The following DNAH6 variants were observed in gnomAD, a reference collection of about 807,000 sequenced individuals.
The protein encoded by DNAH6 is axonemal beta dynein heavy chain 6.
A neutral mutation model predicts 491.4 loss-of-function variants in DNAH6; 340 were observed. The observed-to-expected ratio is 0.69, with a 90% confidence interval of 0.63 to 0.76. The LOEUF is 0.76. Ranked by LOEUF, DNAH6 falls within the 30% of genes least tolerant of loss-of-function variation. The pLI is 0.00. For synonymous variants in DNAH6, 1,603 were observed against 1,686.1 expected (o/e 0.95, Z 1.21); for missense variants, 4,443 against 4,972.2 (o/e 0.89, Z 3.20).
Position 84,815,997 on chromosome 2 carries a change from C to T in DNAH6, c.12287C>T (p.Pro4096Leu), listed in dbSNP as rs749232123. ...GTGCTGCCTGTGGTGCATTTTGAAC[C>T]ACAACAAAACTATAAGCCAAGCCCA... Reference protein sequence around the residue: ...NPVLPVVHFEPQQNYKPSPTL... With the variant: ...NPVLPVVHFELQQNYKPSPTL... Residue 4096 changes from proline (P) to leucine (L), a missense_variant, in exon 76 of 77, where the codon CCA becomes CTA. This residue lies in a region of DNAH6 where 1,463 missense variants were observed against 1,656.6 expected (regional missense o/e 0.88). Transcript: ENST00000389394. 6.4e-7 allele frequency: 1 copy of T among 1,551,822 alleles called. No individual in the cohort carries two copies. Among genetic ancestry groups the T allele is most frequent in the South Asian group, 1.2e-5 (1 of 84,050 alleles).
At chr2:84,737,486 T>C (rs1699615053) in intron 62 of DNAH6, among the ~76,000 whole-genome samples, 1 of 152,062 alleles carries the variant, frequency 6.6e-6, no homozygotes, top group African/African-American at 2.4e-5. Flanking sequence ...TAGGTTTTTA[T>C]TCCTGATTGA....
chr2:84,520,948 G>A (rs540370595), intron 2 of DNAH6, among the ~76,000 whole-genome samples: 4 of 152,054 alleles, frequency 2.6e-5, no homozygotes, highest in South Asian at 2.1e-4. Context: ...TTACTGGCTC[G>A]AATGGGAGTT....
the DNAH6 span, among the ~76,000 whole-genome samples, chr2:84,477,090 G>GAC: frequency 0.078 from 11,930 of 152,198 alleles, 1,083 homozygotes; most frequent in African/African-American, 0.22. Flanking sequence ...TTGAGAAAAA[G>GAC]AGTTTGAGAG....
At chr2:84,520,548 G>T (rs773607974) in intron 2 of DNAH6, among the ~76,000 whole-genome samples, 68 of 152,064 alleles carry the variant, frequency 4.5e-4, no homozygotes, top group Non-Finnish European at 9.1e-4. Flanking sequence ...CACAATAGTT[G>T]TTTTTTTCTG....
chr2:84,803,311 G>A (rs572683026), intron 70 of DNAH6, among the ~76,000 whole-genome samples: 1 of 152,284 alleles, frequency 6.6e-6, no homozygotes, highest in African/African-American at 2.4e-5. Flanking sequence ...GGGGGAAAAG[G>A]AAGGAAGAAA....
intron 62 of DNAH6, among the ~76,000 whole-genome samples, chr2:84,740,793 C>T (rs1418879455): frequency 6.6e-6 from 1 of 152,176 alleles, no homozygotes; most frequent in Admixed American, 6.5e-5. Flanking sequence ...TGGGAAAAAC[C>T]TCAGCTTCAG....
chr2:84,575,122 C>G (rs1682293942), intron 12 of DNAH6, among the ~76,000 whole-genome samples: 1 of 152,162 alleles, frequency 6.6e-6, no homozygotes, highest in Non-Finnish European at 1.5e-5. Context: ...ACCACTAAAT[C>G]CAGTTGTTTG....
At chr2:84,748,391 A>G (rs980638978) in intron 63 of DNAH6, among the ~76,000 whole-genome samples, 5 of 152,354 alleles carry the variant, frequency 3.3e-5, no homozygotes, top group Admixed American at 1.3e-4. Flanking sequence ...AAATTAGATT[A>G]TGAAAAATTT....
intron 10 of DNAH6, 27 bp downstream of exon 10, chr2:84,553,061 A>G: frequency 1.5e-6 from 2 of 1,350,654 alleles, no homozygotes; most frequent in Non-Finnish European, 1.0e-6. Context: ...TATTATCCAC[A>G]TGCAAGCACC....
At chr2:84,803,076 G>A (rs970120073) in intron 70 of DNAH6, among the ~76,000 whole-genome samples, 2 of 152,182 alleles carry the variant, frequency 1.3e-5, no homozygotes, top group African/African-American at 2.4e-5. Context: ...TAAGGGGAAA[G>A]TGTATAAAGC....
intron 41 of DNAH6, among the ~76,000 whole-genome samples, chr2:84,680,127 G>A (rs1173611867): frequency 6.6e-6 from 1 of 152,086 alleles, no homozygotes; most frequent in Non-Finnish European, 1.5e-5. Flanking sequence ...TACCTAAAGA[G>A]GTCATCCTCA....
At chr2:84,814,593 AG>A (rs1457679293) in intron 75 of DNAH6, among the ~76,000 whole-genome samples, 1 of 152,178 alleles carries the variant, frequency 6.6e-6, no homozygotes, top group Non-Finnish European at 1.5e-5. Flanking sequence ...AGGAAGGTAA[AG>A]CAACACCCAC....
intron 62 of DNAH6, among the ~76,000 whole-genome samples, chr2:84,740,465 G>A (rs1168626632): frequency 1.3e-5 from 2 of 152,212 alleles, no homozygotes; most frequent in Non-Finnish European, 2.9e-5. Context: ...CTGAGAAGAA[G>A]GGTGGCGGAG....
intron 21 of DNAH6, 28 bp downstream of exon 21, chr2:84,607,123 A>C: frequency 1.9e-6 from 3 of 1,542,514 alleles, no homozygotes; most frequent in Non-Finnish European, 2.6e-6. Context: ...TGATTCATAC[A>C]CTCAGAGAAT....
chr2:84,558,409 G>A (rs1173243857), intron 11 of DNAH6, among the ~76,000 whole-genome samples: 1 of 149,436 alleles, frequency 6.7e-6, no homozygotes, highest in African/African-American at 2.5e-5. Context: ...AGGTGACAGA[G>A]CGAGACTCCA....
chr2:84,621,966 A>G (rs1687439842), intron 26 of DNAH6, among the ~76,000 whole-genome samples: 2 of 152,232 alleles, frequency 1.3e-5, no homozygotes, highest in Non-Finnish European at 2.9e-5. Context: ...CTGTCAGGCA[A>G]TTAACAATAA....
the DNAH6 span, among the ~76,000 whole-genome samples, chr2:84,508,887 T>G: frequency 6.6e-6 from 1 of 152,164 alleles, no homozygotes; most frequent in Non-Finnish European, 1.5e-5. Flanking sequence ...TTTGAGTGGG[T>G]TTCTTAATCC....
At position 84,703,460 on chromosome 2, in the gene DNAH6, GA is replaced by G; in HGVS notation, c.8130del (p.Lys2710AsnfsTer2). On this transcript the variant is annotated frameshift_variant, in exon 50 of 77. Coordinates refer to ENST00000389394, the MANE Select transcript of DNAH6 (RefSeq NM_001370.2). LOFTEE classifies it high-confidence loss of function. ...AAACAAACATACTAGTAGATAAAAT[GA>G]AACTAGATCTTTCAGCTTTAGAGCC... is the stretch of plus-strand genomic sequence containing the variant. ...LETNILVDKM[K>X]LDLSALEPVL... 1 of 1,550,046 alleles carries G rather than the reference GA, an allele frequency of 6.5e-7. No individual in the cohort carries two copies. The highest frequency in any genetic ancestry group is 8.7e-7 in the Non-Finnish European group (1 of 1,146,086).
At chr2:84,637,090 G>A in intron 30 of DNAH6, 120 bp from the exon 31 acceptor site, 1 of 755,956 alleles carries the variant, frequency 1.3e-6, no homozygotes. Flanking sequence ...GTCCAACAAT[G>A]GTATTCAGTA....
Sources: gnomAD v4.1 joint callset for allele counts (sites outside exome capture counted in the v4.1 genomes callset) on GRCh38, gnomAD v4.1.1 for gene constraint, gnomAD v4.1.1 regional missense constraint, MANE v1.5 for transcripts, NCBI Gene and HGNC (gene_info 2026-07-23, HGNC 2026-07-21) for gene names.